The following CEP126 variants were observed in gnomAD, a reference collection of about 807,000 sequenced individuals.
The protein encoded by CEP126 is centrosomal protein of 126 kDa.
CEP126 carries 74 observed loss-of-function variants against 107.8 expected under a neutral mutation model. That is an observed-to-expected ratio of 0.69 (90% CI 0.57 to 0.83). CEP126 has a LOEUF of 0.83. Ranked by LOEUF, CEP126 falls within the 40% of genes least tolerant of loss-of-function variation. The pLI is 0.00. For synonymous variants in CEP126, 449 were observed against 446.0 expected (o/e 1.01, Z -0.08); for missense variants, 1,237 against 1,281.9 (o/e 0.96, Z 0.53).
At chr11:101,948,432 G>C (rs1328338549) in intron 4 of CEP126, among the ~76,000 whole-genome samples, 1 of 152,014 alleles carries the variant, frequency 6.6e-6, no homozygotes, top group Non-Finnish European at 1.5e-5. Flanking sequence ...TTGATATTTT[G>C]ATTAAAATGT....
chr11:101,962,419 C>T lies in CEP126; in HGVS notation c.1384C>T (p.Pro462Ser). The change falls in exon 6 of 11, where the codon CCT becomes TCT. Residue 462 changes from proline (P) to serine (S), a missense_variant. Coordinates refer to ENST00000263468, the MANE Select transcript of CEP126 (RefSeq NM_020802.4). ...IPTSCVPVAT[P>S]LVLPSNIQSA... ...TACTTCATGTGTACCAGTGGCAACGCCTTTAGTTTTGCCATCTAATATACA... is the reference window on the plus strand; with the variant it reads ...TACTTCATGTGTACCAGTGGCAACGTCTTTAGTTTTGCCATCTAATATACA... 1.9e-6 allele frequency: 3 copies of T among 1,613,876 alleles called. No individual in the cohort carries two copies. Among genetic ancestry groups the T allele is most frequent in the Non-Finnish European group, 2.5e-6 (3 of 1,179,882 alleles).
chr11:101,952,733 T>C (rs1043586489), intron 4 of CEP126, among the ~76,000 whole-genome samples: 1 of 152,180 alleles, frequency 6.6e-6, no homozygotes, highest in African/African-American at 2.4e-5. Context: ...GAGACACTTA[T>C]GAGATATTCA....
chr11:101,993,374 T>C (rs898672990), intron 10 of CEP126, among the ~76,000 whole-genome samples: 3 of 152,236 alleles, frequency 2.0e-5, no homozygotes, highest in African/African-American at 7.2e-5. Context: ...TCCATGTTGC[T>C]GCAAAGGACA....
intron 3 of CEP126, among the ~76,000 whole-genome samples, chr11:101,946,319 G>A (rs1290652874): frequency 1.3e-5 from 2 of 151,472 alleles, no homozygotes; most frequent in African/African-American, 4.9e-5. Flanking sequence ...ACCATCCTGG[G>A]CAACATGATG....
chr11:101,989,522 C>G (rs1941352355), intron 9 of CEP126, among the ~76,000 whole-genome samples: 1 of 152,166 alleles, frequency 6.6e-6, no homozygotes, highest in Non-Finnish European at 1.5e-5. Flanking sequence ...TGTGTGGATT[C>G]TATTTCCGCC....
intron 4 of CEP126, among the ~76,000 whole-genome samples, chr11:101,953,712 C>T (rs1377678681): frequency 3.3e-5 from 5 of 152,086 alleles, no homozygotes; most frequent in Admixed American, 1.3e-4. Context: ...CAAAGTAGTA[C>T]ATTGAAGTGA....
At chr11:101,979,134 A>C (rs1941226836) in intron 7 of CEP126, among the ~76,000 whole-genome samples, 1 of 152,112 alleles carries the variant, frequency 6.6e-6, no homozygotes, top group African/African-American at 2.4e-5. Context: ...CTCCATCTCA[A>C]AAAGAAAAAA....
intron 3 of CEP126, among the ~76,000 whole-genome samples, chr11:101,944,852 G>A (rs766864459): frequency 4.6e-5 from 7 of 152,134 alleles, no homozygotes; most frequent in Non-Finnish European, 1.0e-4. Context: ...CTTGGAACCA[G>A]TTAAGAATTT....
Position 101,962,551 on chromosome 11 carries a change from A to C in CEP126, c.1516A>C (p.Lys506Gln). The C allele has an allele frequency of 6.2e-7, 1 of 1,613,266 alleles. No individual in the cohort carries two copies. The highest frequency in any genetic ancestry group is 1.1e-5 in the South Asian group (1 of 90,988). Reference sequence around the variant, plus strand: ...GAAAGATGGTAAAGAAGAAGAGATAAAATATTTTAATTGCAATAAGGAAGA... The same window carrying C: ...GAAAGATGGTAAAGAAGAAGAGATACAATATTTTAATTGCAATAAGGAAGA... ...ELKDGKEEEI[K>Q]YFNCNKEELP... is the part of the protein sequence containing the mutation. Residue 506 changes from lysine (K) to glutamine (Q), a missense_variant, in exon 6 of 11, where the codon AAA becomes CAA. By Grantham distance (53) the Lys-to-Gln change is moderately conservative. This residue lies in a region of CEP126 where 1,134 missense variants were observed against 1,150.5 expected (regional missense o/e 0.99). Coordinates refer to ENST00000263468, the MANE Select transcript of CEP126 (RefSeq NM_020802.4).
chr11:101,927,935 T>A (rs1243603827), intron 2 of CEP126, among the ~76,000 whole-genome samples: 1 of 152,180 alleles, frequency 6.6e-6, no homozygotes, highest in Admixed American at 6.5e-5. Context: ...TCTGGTTAGG[T>A]CATATGGTAG....
intron 9 of CEP126, among the ~76,000 whole-genome samples, chr11:101,989,544 A>G (rs908105000): frequency 3.3e-5 from 5 of 152,258 alleles, no homozygotes; most frequent in Non-Finnish European, 7.3e-5. Flanking sequence ...AAAATGTAGA[A>G]GGCCAGAATG....
chr11:101,959,534 T>C (rs868500584), intron 5 of CEP126, among the ~76,000 whole-genome samples: 1 of 152,180 alleles, frequency 6.6e-6, no homozygotes, highest in Middle Eastern at 3.4e-3. Flanking sequence ...CAAAACTTAC[T>C]AGACATGTGA....
intron 6 of CEP126, among the ~76,000 whole-genome samples, chr11:101,976,846 C>T (rs1161951661): frequency 6.6e-6 from 1 of 152,164 alleles, no homozygotes; most frequent in Non-Finnish European, 1.5e-5. Flanking sequence ...TCACTGTACC[C>T]TCTGTGCTTT....
At position 101,985,650 on chromosome 11, in the gene CEP126, TA is replaced by T. The variant is rs565799829; in HGVS notation, c.3035-1176del. Among the ~76,000 whole-genome samples, 22 of 152,254 alleles carry T rather than the reference TA, an allele frequency of 1.4e-4. No homozygotes were observed. In the East Asian group the frequency reaches 4.1e-3, roughly 28 times the overall value. Reference sequence around the variant, plus strand: ...ATGTGTATGCAAATATCCAAAATTCTAAAAAAGTCCAAAACCTGAAACATAT... The same window carrying T: ...ATGTGTATGCAAATATCCAAAATTCTAAAAAGTCCAAAACCTGAAACATAT... On this transcript the variant is annotated intron_variant, in intron 8 of 10. Transcript: ENST00000263468.
At chr11:101,923,874 C>A (rs970244715) in intron 2 of CEP126, among the ~76,000 whole-genome samples, 3 of 152,214 alleles carry the variant, frequency 2.0e-5, no homozygotes, top group African/African-American at 7.2e-5. Context: ...GAATTAATTA[C>A]ATCTATTTCA....
intron 4 of CEP126, chr11:101,956,744 G>GT: frequency 2.2e-6 from 1 of 454,478 alleles, no homozygotes; most frequent in South Asian, 1.6e-5. Flanking sequence ...AGTTTCTCCT[G>GT]TTTCTTCTTC....
intron 2 of CEP126, among the ~76,000 whole-genome samples, chr11:101,927,504 C>G (rs1370123073): frequency 6.6e-6 from 1 of 152,046 alleles, no homozygotes. Flanking sequence ...AGAAATAGAA[C>G]AGTTCCATCA....
intron 2 of CEP126, among the ~76,000 whole-genome samples, chr11:101,942,034 A>G (rs1407195323): frequency 6.6e-6 from 1 of 152,006 alleles, no homozygotes; most frequent in East Asian, 1.9e-4. Context: ...CTTGATATCA[A>G]TCCTTATCAG....
At chr11:101,987,792 A>C (rs1941332884) in intron 9 of CEP126, among the ~76,000 whole-genome samples, 1 of 152,170 alleles carries the variant, frequency 6.6e-6, no homozygotes, top group Admixed American at 6.5e-5. Flanking sequence ...GCCCATACTC[A>C]CATTAACTGA....
Sources: gnomAD v4.1 joint callset for allele counts (sites outside exome capture counted in the v4.1 genomes callset) on GRCh38, gnomAD v4.1.1 for gene constraint, gnomAD v4.1.1 regional missense constraint, MANE v1.5 for transcripts, NCBI Gene and HGNC (gene_info 2026-07-23, HGNC 2026-07-21) for gene names.